Variants in R3HDM2 observed in about 807,000 individuals in gnomAD.
R3HDM2 encodes the protein R3H domain containing 2.
R3HDM2 carries 38 observed loss-of-function variants against 124.5 expected under a neutral mutation model. The observed-to-expected ratio is 0.31, with a 90% CI of 0.24 to 0.40. R3HDM2 has a LOEUF of 0.40. Ranked by LOEUF, R3HDM2 falls within the 10% of genes least tolerant of loss-of-function variation. The probability of loss-of-function intolerance (pLI) is 1.00; values close to 1 mark genes in which losing one functional copy is unlikely to be tolerated. For synonymous variants in R3HDM2, 391 were observed against 448.0 expected (o/e 0.87, Z 1.61); for missense variants, 869 against 1,236.9 (o/e 0.70, Z 4.46).
intron 2 of R3HDM2, among the ~76,000 whole-genome samples, chr12:57,351,119 T>C (rs2060633288): frequency 6.6e-6 from 1 of 151,680 alleles, no homozygotes; most frequent in Non-Finnish European, 1.5e-5. Context: ...AAAAATAAAA[T>C]ACAAAATTAG....
At chr12:57,264,338 C>T (rs2137205328) in intron 19 of R3HDM2, among the ~76,000 whole-genome samples, 1 of 147,812 alleles carries the variant, frequency 6.8e-6, no homozygotes, top group East Asian at 2.0e-4. Flanking sequence ...GGCGGATCAC[C>T]TGAGGTCAGG....
intron 2 of R3HDM2, among the ~76,000 whole-genome samples, chr12:57,356,860 G>A (rs2061352379): frequency 6.6e-6 from 1 of 152,148 alleles, no homozygotes; most frequent in South Asian, 2.1e-4. Flanking sequence ...CCTGTAATCC[G>A]GCTTTGGGAG....
chr12:57,337,072 T>A (rs1032039248), intron 2 of R3HDM2, among the ~76,000 whole-genome samples: 3 of 152,194 alleles, frequency 2.0e-5, no homozygotes, highest in Admixed American at 6.5e-5. Flanking sequence ...TTTCAGAAAT[T>A]CCTAAACCTG....
At chr12:57,382,311 T>C (rs1452069333) in intron 2 of R3HDM2, among the ~76,000 whole-genome samples, 2 of 149,538 alleles carry the variant, frequency 1.3e-5, no homozygotes, top group Non-Finnish European at 3.0e-5. Context: ...AAAGTTTCAC[T>C]ATGTTGTCCA....
chr12:57,269,510 A>G (rs2043146823), intron 15 of R3HDM2, 61 bp from the exon 16 acceptor site: 1 of 1,589,652 alleles, frequency 6.3e-7, no homozygotes, highest in Non-Finnish European at 8.6e-7. Flanking sequence ...ACATCAGCAT[A>G]CTACTATAAA....
At chr12:57,355,081 C>T (rs995182506) in intron 2 of R3HDM2, among the ~76,000 whole-genome samples, 2 of 151,972 alleles carry the variant, frequency 1.3e-5, no homozygotes, top group Non-Finnish European at 2.9e-5. Flanking sequence ...ACACCACACC[C>T]GGATCTATGA....
chr12:57,401,173 T>A (rs942973282), intron 1 of R3HDM2, among the ~76,000 whole-genome samples: 4 of 151,232 alleles, frequency 2.6e-5, no homozygotes, highest in Admixed American at 2.0e-4. Context: ...AGAAGTGCAG[T>A]TCGTCTCAAA....
intron 12 of R3HDM2, among the ~76,000 whole-genome samples, chr12:57,288,093 C>T (rs1054869679): frequency 2.7e-5 from 4 of 149,362 alleles, no homozygotes; most frequent in Admixed American, 1.3e-4. Flanking sequence ...GATCTCAGCT[C>T]ACTGCAACCT....
At chr12:57,392,798 A>AGTACACTTTTTTT (rs1409060269) in intron 2 of R3HDM2, among the ~76,000 whole-genome samples, 2 of 146,300 alleles carry the variant, frequency 1.4e-5, no homozygotes, top group African/African-American at 2.5e-5. Flanking sequence ...TCAATTCTAT[A>AGTACACTTTTTTT]GTACACTTTT....
Position 57,255,201 on chromosome 12 carries a change from C to G in R3HDM2, c.2633-88G>C, listed in dbSNP as rs1010769963. 3.9e-5 allele frequency: 44 copies of G among 1,130,960 alleles called. No individual in the cohort carries two copies. The Admixed American group carries it at 1.0e-3, about 26-fold the overall frequency. The allele number at this position is 1,130,960 out of a possible 1,614,324, so 70.1% of individuals were successfully genotyped here. ...GCCCAGCAGAGAAGTGTCCAGCTGA[C>G]TAAGTCTGTATACAATGTCTTCAAA... On this transcript the variant is annotated intron_variant, in intron 23 of 23. Coordinates refer to ENST00000402412, the MANE Select transcript of R3HDM2 (RefSeq NM_001394031.1).
chr12:57,385,400 G>A (rs1378597969), intron 2 of R3HDM2, among the ~76,000 whole-genome samples: 2 of 151,016 alleles, frequency 1.3e-5, no homozygotes, highest in South Asian at 4.3e-4. Context: ...CTGCCACCAC[G>A]CCCAGCTAAT....
intron 12 of R3HDM2, among the ~76,000 whole-genome samples, chr12:57,285,442 A>AGT (rs2047107885): frequency 7.1e-6 from 1 of 140,930 alleles, no homozygotes; most frequent in Non-Finnish European, 1.6e-5. Flanking sequence ...TGAGAGAGAG[A>AGT]GAGAGTGTGT....
chr12:57,274,476 CAAACAAAACA>C (rs200822813), intron 14 of R3HDM2, among the ~76,000 whole-genome samples: 8 of 152,216 alleles, frequency 5.3e-5, no homozygotes, highest in South Asian at 2.1e-4. Flanking sequence ...GACTCCGTCT[CAAACAAAACA>C]AAACAAAACA....
Position 57,258,105 on chromosome 12 carries a change from T to C in R3HDM2, c.2334A>G (p.Thr778=). The C allele has an allele frequency of 6.3e-7, 1 of 1,583,438 alleles. No individual in the cohort carries two copies. The highest frequency in any genetic ancestry group is 8.6e-7 in the Non-Finnish European group (1 of 1,162,622). ...AGGGTGCTGGAGACTGGGTAGGAGA[T>C]GTGACAGGGCTGCTGCTCATTTGTG... ...ANTQMSSSPV[T]SPTQSPAPSP... is the part of the protein sequence containing the mutation. Residue 778 remains threonine (T), a synonymous_variant, in exon 21 of 24, where the codon ACA becomes ACG. Transcript: ENST00000402412.
chr12:57,388,574 A>G (rs912105810), intron 2 of R3HDM2, among the ~76,000 whole-genome samples: 1 of 152,150 alleles, frequency 6.6e-6, no homozygotes, highest in Non-Finnish European at 1.5e-5. Context: ...TCAAGGTTGC[A>G]GTGAGCTAAC....
chr12:57,322,726 C>G (rs2056644976), intron 2 of R3HDM2, among the ~76,000 whole-genome samples: 1 of 152,034 alleles, frequency 6.6e-6, no homozygotes, highest in Non-Finnish European at 1.5e-5. Flanking sequence ...TCAGATAAAT[C>G]TAATAACTTT....
chr12:57,385,538 G>A (rs1273985996), intron 2 of R3HDM2, among the ~76,000 whole-genome samples: 1 of 151,972 alleles, frequency 6.6e-6, no homozygotes, highest in Non-Finnish European at 1.5e-5. Context: ...CACCATGCCT[G>A]GCCTAACTTT....
chr12:57,368,256 T>C (rs1258272657), intron 2 of R3HDM2, among the ~76,000 whole-genome samples: 4 of 152,108 alleles, frequency 2.6e-5, no homozygotes, highest in Admixed American at 6.6e-5. Flanking sequence ...AAGCAGAAAA[T>C]ACATTTTCTT....
intron 3 of R3HDM2, chr12:57,304,575 T>A (rs1312130326): frequency 1.1e-6 from 1 of 914,240 alleles, no homozygotes; most frequent in East Asian, 1.2e-4. Flanking sequence ...GGAAGGTGGA[T>A]GGAAAGAATA....
Sources: gnomAD v4.1 joint callset for allele counts (sites outside exome capture counted in the v4.1 genomes callset) on GRCh38, gnomAD v4.1.1 for gene constraint, MANE v1.5 for transcripts, NCBI Gene and HGNC (gene_info 2026-07-23, HGNC 2026-07-21) for gene names.